Variants in CDKN2A observed in about 807,000 individuals in gnomAD.
CDKN2A encodes the protein cyclin dependent kinase inhibitor 2A, also known as cyclin-dependent kinase inhibitor 2A.
Under a neutral mutation model 11.1 loss-of-function variants are expected in CDKN2A, and 3 were observed. The observed-to-expected ratio is 0.27, with a 90% CI of 0.12 to 0.70. The LOEUF (loss-of-function observed/expected upper bound fraction) is 0.70. CDKN2A is among the 30% of genes least tolerant of loss of function. The probability of loss-of-function intolerance (pLI) is 0.77; values close to 1 mark genes in which losing one functional copy is unlikely to be tolerated. For synonymous variants in CDKN2A, 122 were observed against 108.1 expected (o/e 1.13, Z -0.80); for missense variants, 265 against 233.6 (o/e 1.13, Z -0.88).
intron 2 of CDKN2A, among the ~76,000 whole-genome samples, chr9:21,992,736 A>G (rs1178726150): frequency 6.6e-6 from 1 of 151,958 alleles, no homozygotes; most frequent in Non-Finnish European, 1.5e-5. Flanking sequence ...AATATTAACT[A>G]GAGTAATAAA....
upstream of CDKN2A, chr9:21,974,941 T>C: frequency 1.4e-6 from 2 of 1,423,896 alleles, no homozygotes; most frequent in Non-Finnish European, 1.8e-6. The surrounding 1 kb of genome is among the most constrained non-coding windows in gnomAD (Gnocchi z 5.2). Flanking sequence ...CCTCCGGTGC[T>C]GGCGGAAGAG....
intron 2 of CDKN2A, among the ~76,000 whole-genome samples, chr9:21,985,462 A>AT (rs1422918937): frequency 6.6e-6 from 1 of 151,878 alleles, no homozygotes; most frequent in Admixed American, 6.6e-5. Context: ...CACACACATA[A>AT]TTTTTTATAC....
At chr9:21,971,534 A>G (rs1819751494) in intron 1 of CDKN2A, 1 of 366,656 alleles carries the variant, frequency 2.7e-6, no homozygotes, top group Non-Finnish European at 4.6e-6. Context: ...CCTGAGATAC[A>G]ACTACTGAAA....
chr9:21,993,929 G>T, exon 2 of CDKN2A: 1 of 622,722 alleles, frequency 1.6e-6, no homozygotes. Flanking sequence ...AGTTTCCCAC[G>T]ATTGAGGGGC....
chr9:21,975,217 C>G, upstream of CDKN2A: 1 of 1,031,650 alleles, frequency 9.7e-7, no homozygotes, highest in Non-Finnish European at 1.2e-6. Context: ...CTGCTCCCAG[C>G]CGCGCTCCCC....
Position 21,969,773 on chromosome 9 carries a change from G to A in CDKN2A, c.457+1129C>T, listed in dbSNP as rs774962789. 70 of 398,256 alleles carry A rather than the reference G, an allele frequency of 1.8e-4. No individual in the cohort carries two copies. Among genetic ancestry groups the A allele is most frequent in the Non-Finnish European group, 2.6e-4 (59 of 225,984 alleles). The allele number at this position is 398,256 out of a possible 1,614,324, so 24.7% of individuals were successfully genotyped here. A position where few individuals can be genotyped will look rare whatever the true frequency, so the allele number is the denominator to read the frequency against. ...CCGAAGTCTCCTTCTTCACCTCCCG[G>A]GACCTGGATGCTAGCTGTAACTGGA... On this transcript the variant is annotated intron_variant, in intron 2 of 2. Transcript: ENST00000304494.
At chr9:21,977,252 A>G (rs376684482), upstream of CDKN2A, among the ~76,000 whole-genome samples, 8 of 152,360 alleles carry the variant, frequency 5.3e-5, no homozygotes, top group East Asian at 1.5e-3. Flanking sequence ...ATTTTAGTTT[A>G]GTTTAAGATA....
chr9:21,977,526 C>G (rs1820068202), upstream of CDKN2A, among the ~76,000 whole-genome samples: 1 of 152,246 alleles, frequency 6.6e-6, no homozygotes, highest in Middle Eastern at 3.4e-3. Flanking sequence ...CTGCCATACC[C>G]AGCTAATTTT....
intron 2 of CDKN2A, among the ~76,000 whole-genome samples, chr9:21,982,660 G>A (rs1004126499): frequency 6.6e-6 from 1 of 151,708 alleles, no homozygotes; most frequent in Non-Finnish European, 1.5e-5. Context: ...TCATCCTGAG[G>A]AACAAAATAA....
Position 21,974,774 on chromosome 9 carries a change from C to G in CDKN2A, c.54G>C (p.Thr18=), listed in dbSNP as rs765702324. The change falls in exon 1 of 3, where the codon ACG becomes ACC. Residue 18 remains threonine (T), a synonymous_variant. Coordinates refer to ENST00000304494, the MANE Select transcript of CDKN2A (RefSeq NM_000077.5). The surrounding 1 kb of genome is among the most constrained non-coding windows in gnomAD (Gnocchi z 5.2). ...SMEPSADWLA[T]AAARGRVEEV... is the part of the protein sequence containing the mutation. Reference sequence around the variant, plus strand: ...CCTCTACCCGACCCCGGGCCGCGGCCGTGGCCAGCCAGTCAGCCGAAGGCT... The same window carrying G: ...CCTCTACCCGACCCCGGGCCGCGGCGGTGGCCAGCCAGTCAGCCGAAGGCT... 6.2e-7 allele frequency: 1 copy of G among 1,606,366 alleles called. No individual in the cohort carries two copies.
rs775860099 is a variant in CDKN2A, at chr9:21,971,043, C to G, written c.316G>C (p.Val106Leu). 6.2e-7 allele frequency: 1 copy of G among 1,605,576 alleles called. No individual in the cohort carries two copies. The highest frequency in any genetic ancestry group is 8.5e-7 in the Non-Finnish European group (1 of 1,179,328). ...GGCAGACGGCCCCAGGCATCGCGCACGTCCAGCCGCGCCCCGGCCCGGTGC... is the reference window on the plus strand; with the variant it reads ...GGCAGACGGCCCCAGGCATCGCGCAGGTCCAGCCGCGCCCCGGCCCGGTGC... ...VLHRAGARLD[V>L]RDAWGRLPVD... Residue 106 changes from valine (V) to leucine (L), a missense_variant, in exon 2 of 3, where the codon GTG becomes CTG. Physicochemically the swap from Val to Leu is conservative, Grantham distance 32. Transcript: ENST00000304494.
rs896338038 is a variant in CDKN2A, at chr9:21,974,124, A to G, written c.150+554T>C. ...AGGCTGGTCTCGAACTCCCGACCTC[A>G]GGTGATTCCCCCCGCCTTGATCTCC... On this transcript the variant is annotated intron_variant, in intron 1 of 2. Transcript: ENST00000304494. The surrounding 1 kb of genome is among the most constrained non-coding windows in gnomAD (Gnocchi z 5.2). 2.0e-5 allele frequency among the ~76,000 whole-genome samples: 3 copies of G among 152,188 alleles called. No homozygotes were observed. The highest frequency in any genetic ancestry group is 4.8e-5 in the African/African-American group (2 of 41,436).
rs1429218547 is a variant in CDKN2A at position 21,992,785 on chromosome 9, T to C, written c.-4+1097A>G. Among the ~76,000 whole-genome samples the C allele has an allele frequency of 3.9e-5, 6 of 151,996 alleles. No individual in the cohort carries two copies. In the South Asian group the frequency reaches 8.3e-4, roughly 21 times the overall value. ...ACAATAATATTAAGAACTATATTCA[T>C]ACAGTTACCGGTCACAGTGGCTAAA... On this transcript the variant is annotated intron_variant, in intron 2 of 3. Coordinates refer to the CDKN2A transcript ENST00000494262.
At chr9:21,976,630 G>C (rs1820040259), upstream of CDKN2A, among the ~76,000 whole-genome samples, 1 of 151,704 alleles carries the variant, frequency 6.6e-6, no homozygotes, top group Admixed American at 6.6e-5. Context: ...TAGGAGAATC[G>C]CTTGAACCCA....
chr9:21,989,009 A>G (rs112761688), intron 2 of CDKN2A, among the ~76,000 whole-genome samples: 19 of 152,238 alleles, frequency 1.2e-4, no homozygotes, highest in Admixed American at 5.2e-4. Flanking sequence ...TAGCAATACT[A>G]TTGGTTTTGT....
rs745999521 is a variant in CDKN2A at position 21,974,466 on chromosome 9, C to A, written c.150+212G>T. 1.2e-6 allele frequency: 2 copies of A among 1,612,504 alleles called. No individual in the cohort carries two copies. Among genetic ancestry groups the A allele is most frequent in the Admixed American group, 3.3e-5 (2 of 60,000 alleles). On this transcript the variant is annotated intron_variant, in intron 1 of 2. Transcript: ENST00000304494. The surrounding 1 kb of genome is among the most constrained non-coding windows in gnomAD (Gnocchi z 5.2). ...TCTCAGCATTCGAGAGATCTGTACG[C>A]GCGTGGCTCCTCATTCCTCTTCCTT...
rs58206096 is a variant in CDKN2A, at chr9:21,991,295, G to GTTT, written c.-4+2584_-4+2586dup. Among the ~76,000 whole-genome samples the GTTT allele has an allele frequency of 7.1e-6, 1 of 141,422 alleles. No homozygotes were observed. Among genetic ancestry groups the GTTT allele is most frequent in the Non-Finnish European group, 1.6e-5 (1 of 64,238 alleles). The allele number at this position is 141,422 out of a possible 152,430, so 92.8% of individuals were successfully genotyped here. Reference sequence around the variant, plus strand: ...CATACACTTTCTTAAAGTATCATGAGTTTTTTTTTTTTTTTAAGCTCATCA... The same window carrying GTTT: ...CATACACTTTCTTAAAGTATCATGAGTTTTTTTTTTTTTTTTTTAAGCTCATCA... On this transcript the variant is annotated intron_variant, in intron 2 of 3. Coordinates refer to the CDKN2A transcript ENST00000494262. This position sits in a 1 kb window ranked among gnomAD's most constrained non-coding sequence, Gnocchi z 5.2.
intron 2 of CDKN2A, among the ~76,000 whole-genome samples, chr9:21,981,194 G>A (rs1315427309): frequency 8.4e-6 from 1 of 119,014 alleles, no homozygotes; most frequent in Admixed American, 9.2e-5. Context: ...ATATATATAC[G>A]TGTATATATA....
intron 2 of CDKN2A, among the ~76,000 whole-genome samples, chr9:21,981,261 A>G (rs1485924622): frequency 6.7e-6 from 1 of 148,306 alleles, no homozygotes; most frequent in African/African-American, 2.5e-5. Context: ...TCTTGAGTGG[A>G]GCCTACAGTA....
Sources: allele counts gnomAD v4.1 joint callset (sites outside exome capture counted in the v4.1 genomes callset), GRCh38; gene constraint gnomAD v4.1.1; non-coding constraint Gnocchi (gnomAD v3.1); transcripts MANE v1.5; gene names NCBI Gene and HGNC (gene_info 2026-07-23, HGNC 2026-07-21).